Variants in COLEC12 observed in about 807,000 individuals in gnomAD.
COLEC12 encodes the protein collectin subfamily member 12, also known as collectin-12.
COLEC12 carries 33 observed loss-of-function variants against 71.1 expected under a neutral mutation model. That is an observed-to-expected ratio of 0.46 (90% confidence interval 0.35 to 0.62). The LOEUF is 0.62. Ranked by LOEUF, COLEC12 falls within the 20% of genes least tolerant of loss-of-function variation. The probability of loss-of-function intolerance (pLI) is 0.00; values close to 1 mark genes in which losing one functional copy is unlikely to be tolerated. For missense variants in COLEC12, 765 were observed against 916.1 expected (o/e 0.84, Z 2.13); for synonymous variants, 350 against 353.0 (o/e 0.99, Z 0.10).
At chr18:374,772 C>T (rs1303610004) in intron 2 of COLEC12, among the ~76,000 whole-genome samples, 1 of 152,150 alleles carries the variant, frequency 6.6e-6, no homozygotes, top group Non-Finnish European at 1.5e-5. Flanking sequence ...ATCTGTGAGC[C>T]ACTGGCCCCA....
At chr18:344,117 C>CT (rs1398996319) in intron 5 of COLEC12, among the ~76,000 whole-genome samples, 1 of 151,694 alleles carries the variant, frequency 6.6e-6, no homozygotes, top group Non-Finnish European at 1.5e-5. Flanking sequence ...ATAAGATTGT[C>CT]TAAGAATTTT....
At chr18:473,755 C>A (rs1917250101) in intron 2 of COLEC12, among the ~76,000 whole-genome samples, 1 of 152,232 alleles carries the variant, frequency 6.6e-6, no homozygotes, top group South Asian at 2.1e-4. Flanking sequence ...CCACTCTACC[C>A]CTCAACAACA....
intron 2 of COLEC12, among the ~76,000 whole-genome samples, chr18:420,095 T>C (rs763787459): frequency 2.0e-5 from 3 of 152,162 alleles, no homozygotes; most frequent in Non-Finnish European, 4.4e-5. Context: ...GCTGAGACCC[T>C]GGATTGTGGC....
intron 2 of COLEC12, among the ~76,000 whole-genome samples, chr18:385,752 C>G (rs1306896111): frequency 6.6e-6 from 1 of 152,168 alleles, no homozygotes; most frequent in African/African-American, 2.4e-5. Context: ...TAATGAAAAT[C>G]TGGCTTCTGG....
At chr18:367,694 G>C (rs1224594928) in intron 2 of COLEC12, among the ~76,000 whole-genome samples, 1 of 152,132 alleles carries the variant, frequency 6.6e-6, no homozygotes, top group African/African-American at 2.4e-5. Context: ...GAACTGGGAG[G>C]GACCTATTTT....
At chr18:413,366 T>C (rs1915928342) in intron 2 of COLEC12, among the ~76,000 whole-genome samples, 1 of 152,234 alleles carries the variant, frequency 6.6e-6, no homozygotes, top group Admixed American at 6.5e-5. Flanking sequence ...GGAGAGGATG[T>C]AAGAAAGCTA....
intron 2 of COLEC12, among the ~76,000 whole-genome samples, chr18:381,191 G>A (rs949998733): frequency 2.6e-5 from 4 of 152,176 alleles, no homozygotes; most frequent in African/African-American, 9.7e-5. Context: ...TACATAGGAA[G>A]GAGTTTCTGC....
chr18:421,282 A>G (rs971807690), intron 2 of COLEC12, among the ~76,000 whole-genome samples: 1 of 152,052 alleles, frequency 6.6e-6, no homozygotes, highest in African/African-American at 2.4e-5. Flanking sequence ...CAAAAAATGT[A>G]TAAAGGTATG....
chr18:337,172 T>G (rs1057091710), intron 5 of COLEC12, among the ~76,000 whole-genome samples: 1 of 152,154 alleles, frequency 6.6e-6, no homozygotes, highest in Non-Finnish European at 1.5e-5. Flanking sequence ...TGCCTGGCCT[T>G]ACTTTTTCTA....
At chr18:364,326 G>A (rs672854) in intron 2 of COLEC12, among the ~76,000 whole-genome samples, 55,511 of 151,760 alleles carry the variant, frequency 0.37, 11,961 homozygotes, top group South Asian at 0.51. Flanking sequence ...TCAAAAGAAC[G>A]CCATTATTTT....
chr18:368,101 G>A (rs180737089), intron 2 of COLEC12, among the ~76,000 whole-genome samples: 1 of 152,296 alleles, frequency 6.6e-6, no homozygotes, highest in African/African-American at 2.4e-5. Context: ...TAAAATAAAT[G>A]GGAACATGTA....
chr18:474,314 G>C (rs1057017589), intron 2 of COLEC12, among the ~76,000 whole-genome samples: 1 of 152,200 alleles, frequency 6.6e-6, no homozygotes, highest in Non-Finnish European at 1.5e-5. Context: ...ACTAATGGGT[G>C]GGAAATCACC....
chr18:480,631 G>C lies in COLEC12; in HGVS notation c.58+76C>G, dbSNP rs1567921103. The C allele has an allele frequency of 1.5e-6, 2 of 1,327,496 alleles. No individual in the cohort carries two copies. Among genetic ancestry groups the C allele is most frequent in the East Asian group, 4.6e-5 (2 of 43,494 alleles). 82.2% of individuals were successfully genotyped at this position (1,327,496 alleles called of 1,614,324 possible). ...TGCATGAAGGGCCTGCCAGTGGCCT[G>C]CCAATGGTCTCTGAGGGTTCGTGGC... On this transcript the variant is annotated intron_variant, in intron 2 of 9. Coordinates refer to ENST00000400256, the MANE Select transcript of COLEC12 (RefSeq NM_130386.3). The surrounding 1 kb of genome is among the most constrained non-coding windows in gnomAD (Gnocchi z 4.1).
At chr18:402,982 A>T (rs1328483268) in intron 2 of COLEC12, among the ~76,000 whole-genome samples, 1 of 152,162 alleles carries the variant, frequency 6.6e-6, no homozygotes, top group Non-Finnish European at 1.5e-5. Flanking sequence ...AAGAATGCTA[A>T]TCCTACTGAG....
chr18:393,960 G>C (rs1401481674), intron 2 of COLEC12, among the ~76,000 whole-genome samples: 1 of 152,186 alleles, frequency 6.6e-6, no homozygotes, highest in African/African-American at 2.4e-5. Context: ...ACATTACACT[G>C]TTTACATAGG....
intron 8 of COLEC12, among the ~76,000 whole-genome samples, chr18:328,782 C>T (rs140839792): frequency 1.2e-4 from 18 of 152,256 alleles, no homozygotes; most frequent in Admixed American, 5.9e-4. Context: ...CCCAGAACCC[C>T]GATCTTGCTG....
At chr18:389,336 C>G (rs1283779856) in intron 2 of COLEC12, among the ~76,000 whole-genome samples, 3 of 150,506 alleles carry the variant, frequency 2.0e-5, no homozygotes, top group East Asian at 3.9e-4. Flanking sequence ...TCACTGCAAG[C>G]TCTGCGATCT....
At position 346,674 on chromosome 18, in the gene COLEC12, G is replaced by C. The variant is rs1567879286; in HGVS notation, c.948C>G (p.Asp316Glu). 3 of 1,614,086 alleles carry C rather than the reference G, an allele frequency of 1.9e-6. No homozygotes were observed. Among genetic ancestry groups the C allele is most frequent in the Non-Finnish European group, 1.7e-6 (2 of 1,180,040 alleles). ...ANEQNLKDLQDLHKDAENRTA... is the reference protein window; with the variant it reads ...ANEQNLKDLQELHKDAENRTA... ...TTCTATTCTCTGCATCTTTGTGTAA[G>C]TCCTGCAGGTCTTTCAGGTTCTGCT... The change falls in exon 5 of 10, where the codon GAC becomes GAG. Residue 316 changes from aspartate to glutamate, a missense_variant. Transcript: ENST00000400256. The surrounding 1 kb of genome is among the most constrained non-coding windows in gnomAD (Gnocchi z 4.0).
intron 2 of COLEC12, among the ~76,000 whole-genome samples, chr18:400,839 AG>A (rs1450624085): frequency 8.6e-5 from 13 of 151,992 alleles, no homozygotes; most frequent in Non-Finnish European, 2.9e-5. Context: ...ACTATTTTGG[AG>A]GGTGTGCTGT....
Sources: allele counts gnomAD v4.1 joint callset (sites outside exome capture counted in the v4.1 genomes callset), GRCh38; gene constraint gnomAD v4.1.1; non-coding constraint Gnocchi (gnomAD v3.1); transcripts MANE v1.5; gene names NCBI Gene and HGNC (gene_info 2026-07-23, HGNC 2026-07-21).